Variants in ADARB2 observed in about 807,000 individuals in gnomAD.
ADARB2 encodes the protein inactive double-stranded RNA-specific editase B2.
ADARB2 carries 25 observed loss-of-function variants against 62.2 expected under a neutral mutation model. The ratio of observed to expected loss-of-function variants is 0.40; its 90% CI spans 0.29 to 0.56. ADARB2 has a LOEUF of 0.56. Ranked by LOEUF, ADARB2 falls within the 20% of genes least tolerant of loss-of-function variation. The probability of loss-of-function intolerance (pLI) is 0.43; values close to 1 mark genes in which losing one functional copy is unlikely to be tolerated. For missense variants in ADARB2, 1,071 were observed against 1,077.4 expected, an observed-to-expected ratio of 0.99 and a Z score of 0.08; for synonymous variants, 572 against 500.8, an observed-to-expected ratio of 1.14 and a Z score of -1.90.
intron 1 of ADARB2, among the ~76,000 whole-genome samples, chr10:1,463,947 A>G (rs1283590074): frequency 1.3e-5 from 2 of 152,256 alleles, no homozygotes; most frequent in Non-Finnish European, 2.9e-5. Flanking sequence ...ACCATCAGTC[A>G]TTAGGAAAGC....
Position 1,314,524 on chromosome 10 carries a change from C to G in ADARB2, c.1078-43455G>C, listed in dbSNP as rs560269820. On this transcript the variant is annotated intron_variant, in intron 3 of 9. Coordinates refer to ENST00000381312, the MANE Select transcript of ADARB2 (RefSeq NM_018702.4). ...TCCACGGCCAGTGCCCCTCCATCCT[C>G]CCCACTGCCCGGCCTCCAGGGAGAC... is the stretch of plus-strand genomic sequence containing the variant. 6.6e-5 allele frequency among the ~76,000 whole-genome samples: 10 copies of G among 152,342 alleles called. No homozygotes were observed. The South Asian group carries it at 1.5e-3, about 22-fold the overall frequency.
intron 1 of ADARB2, among the ~76,000 whole-genome samples, chr10:1,486,351 A>G (rs1391283247): frequency 6.6e-6 from 1 of 152,062 alleles, no homozygotes; most frequent in Non-Finnish European, 1.5e-5. Context: ...ATTCTCTCTA[A>G]ATTCCAGATC....
At chr10:1,220,143 AATGGTGATGATGGTG>A (rs1482564927) in intron 6 of ADARB2, among the ~76,000 whole-genome samples, 3 of 96,732 alleles carry the variant, frequency 3.1e-5, no homozygotes, top group Non-Finnish European at 6.1e-5. Flanking sequence ...TAATGATGGC[AATGGTGATGATGGTG>A]ATGGTAATGA....
At chr10:1,713,189 G>A (rs1272592065) in intron 1 of ADARB2, among the ~76,000 whole-genome samples, 2 of 152,198 alleles carry the variant, frequency 1.3e-5, no homozygotes, top group Non-Finnish European at 2.9e-5. Flanking sequence ...GCACATACCT[G>A]GGGAGGTGTG....
At chr10:1,616,269 C>T (rs1700977590) in intron 1 of ADARB2, among the ~76,000 whole-genome samples, 1 of 152,200 alleles carries the variant, frequency 6.6e-6, no homozygotes, top group South Asian at 2.1e-4. Flanking sequence ...GCTGCTAGAA[C>T]TTTGTATTTC....
At chr10:1,367,537 C>G (rs1832323788) in intron 2 of ADARB2, among the ~76,000 whole-genome samples, 1 of 152,142 alleles carries the variant, frequency 6.6e-6, no homozygotes, top group Admixed American at 6.5e-5. Flanking sequence ...TCATTATGCA[C>G]TTTGGGTATA....
At chr10:1,330,635 G>T (rs1211141740) in intron 3 of ADARB2, among the ~76,000 whole-genome samples, 1 of 152,186 alleles carries the variant, frequency 6.6e-6, no homozygotes. Context: ...CAGATGAAAT[G>T]CTTAAACCCT....
At chr10:1,235,221 A>G (rs947223249) in intron 5 of ADARB2, among the ~76,000 whole-genome samples, 2 of 143,774 alleles carry the variant, frequency 1.4e-5, no homozygotes, top group African/African-American at 2.6e-5. Context: ...AAGGAGGAAA[A>G]GAGCTGTAGG....
intron 1 of ADARB2, among the ~76,000 whole-genome samples, chr10:1,503,333 C>T (rs1831790203): frequency 6.6e-6 from 1 of 151,208 alleles, no homozygotes; most frequent in African/African-American, 2.4e-5. Flanking sequence ...AAAACAGGCA[C>T]ACGCCACCAT....
At chr10:1,384,660 T>C (rs1178303959) in intron 1 of ADARB2, among the ~76,000 whole-genome samples, 1 of 152,202 alleles carries the variant, frequency 6.6e-6, no homozygotes, top group East Asian at 1.9e-4. Flanking sequence ...ACTTCCCACC[T>C]GGAAGCTCTT....
At chr10:1,594,234 G>T (rs937533419) in intron 1 of ADARB2, among the ~76,000 whole-genome samples, 3 of 152,046 alleles carry the variant, frequency 2.0e-5, no homozygotes, top group East Asian at 1.9e-4. Context: ...GAGGTTGCAG[G>T]GACCTGAGAT....
At chr10:1,634,562 A>G (rs919736075) in intron 1 of ADARB2, among the ~76,000 whole-genome samples, 2 of 152,184 alleles carry the variant, frequency 1.3e-5, no homozygotes, top group East Asian at 1.9e-4. Context: ...GGGTCACTCC[A>G]GGTGTACAAG....
intron 1 of ADARB2, among the ~76,000 whole-genome samples, chr10:1,526,316 A>G (rs1354660669): frequency 6.6e-6 from 1 of 151,932 alleles, no homozygotes; most frequent in Non-Finnish European, 1.5e-5. Context: ...CTTGTAGAGG[A>G]GGCAAGGAGC....
chr10:1,667,608 A>G (rs538343725), intron 1 of ADARB2, among the ~76,000 whole-genome samples: 7 of 152,208 alleles, frequency 4.6e-5, no homozygotes, highest in Non-Finnish European at 1.0e-4. Flanking sequence ...AGGGGTGTTT[A>G]CCATAATTGG....
At chr10:1,615,284 G>A (rs370588071) in intron 1 of ADARB2, among the ~76,000 whole-genome samples, 4 of 152,060 alleles carry the variant, frequency 2.6e-5, no homozygotes, top group Admixed American at 6.5e-5. Context: ...TTGCCTTCCC[G>A]CCCTGCCATG....
intron 1 of ADARB2, among the ~76,000 whole-genome samples, chr10:1,653,318 C>T (rs1588339672): frequency 6.6e-6 from 1 of 152,302 alleles, no homozygotes; most frequent in Admixed American, 6.5e-5. Flanking sequence ...CTGCTCAGAG[C>T]TGCTGTTGAG....
intron 3 of ADARB2, among the ~76,000 whole-genome samples, chr10:1,344,205 G>A (rs1045601602): frequency 4.6e-5 from 7 of 152,192 alleles, no homozygotes; most frequent in Non-Finnish European, 8.8e-5. Flanking sequence ...AAATTCTACC[G>A]GCATCCGATT....
rs367674834 is a variant in ADARB2, at chr10:1,637,938, G to A, written c.100+99113C>T. On this transcript the variant is annotated intron_variant, in intron 1 of 9. Coordinates refer to ENST00000381312, the MANE Select transcript of ADARB2 (RefSeq NM_018702.4). ...TCTTTGTCTGGCATTGAAAGAAACC[G>A]CCAATATTTTTATGTGAGAATGAAC... 5.3e-5 allele frequency among the ~76,000 whole-genome samples: 8 copies of A among 152,176 alleles called. No individual in the cohort carries two copies. The East Asian group carries it at 7.7e-4, about 15-fold the overall frequency.
At position 1,342,211 on chromosome 10, in the gene ADARB2, C is replaced by T. The variant is rs372930361; in HGVS notation, c.1077+20817G>A. ...CTTTTCATGAATTTTTAACCCTCTGCCTGGATGTCCCATTTTATCATTAAA... is the reference window on the plus strand; with the variant it reads ...CTTTTCATGAATTTTTAACCCTCTGTCTGGATGTCCCATTTTATCATTAAA... On this transcript the variant is annotated intron_variant, in intron 3 of 9. Coordinates refer to ENST00000381312, the MANE Select transcript of ADARB2 (RefSeq NM_018702.4). 4.6e-5 allele frequency among the ~76,000 whole-genome samples: 7 copies of T among 152,282 alleles called. No homozygotes were observed. In the East Asian group the frequency reaches 1.4e-3, roughly 29 times the overall value.
Sources: gnomAD v4.1 joint callset for allele counts (sites outside exome capture counted in the v4.1 genomes callset) on GRCh38, gnomAD v4.1.1 for gene constraint, MANE v1.5 for transcripts, NCBI Gene and HGNC (gene_info 2026-07-23, HGNC 2026-07-21) for gene names.